KHDRBS2: variants seen among roughly 807,000 people sequenced by gnomAD.
KHDRBS2 encodes KH RNA binding domain containing, signal transduction associated 2.
Under a neutral mutation model 44.3 loss-of-function variants are expected in KHDRBS2, and 26 were observed. That is an observed-to-expected ratio of 0.59 (90% CI 0.43 to 0.81). The LOEUF is 0.81. Ranked by LOEUF, KHDRBS2 falls within the 40% of genes least tolerant of loss-of-function variation. The pLI, the probability that KHDRBS2 is intolerant of heterozygous loss-of-function variation, is 0.00. For missense variants in KHDRBS2, 476 were observed against 433.1 expected (o/e 1.10, Z -0.88); for synonymous variants, 194 against 151.1 (o/e 1.28, Z -2.08).
intron 6 of KHDRBS2, among the ~76,000 whole-genome samples, chr6:61,748,439 C>A (rs1173994234): frequency 6.6e-6 from 1 of 152,134 alleles, no homozygotes; most frequent in Non-Finnish European, 1.5e-5. Flanking sequence ...GGAAGCCCAC[C>A]ATGTGAGCAG....
the KHDRBS2 span, among the ~76,000 whole-genome samples, chr6:61,544,657 C>T: frequency 4.6e-5 from 7 of 152,066 alleles, no homozygotes; most frequent in South Asian, 2.1e-4. Flanking sequence ...AGATAAGAGG[C>T]TCAGTAAGGA....
chr6:62,120,687 A>C (rs1807412834), intron 2 of KHDRBS2, among the ~76,000 whole-genome samples: 1 of 152,220 alleles, frequency 6.6e-6, no homozygotes, highest in African/African-American at 2.4e-5. Context: ...AATTTGTAGA[A>C]GTAGAAAACT....
chr6:61,897,092 T>C (rs1803059062), intron 5 of KHDRBS2, among the ~76,000 whole-genome samples: 1 of 152,172 alleles, frequency 6.6e-6, no homozygotes, highest in African/African-American at 2.4e-5. Flanking sequence ...TCTGTTTTCT[T>C]CCTAACATAA....
chr6:61,829,762 T>C (rs183326466), intron 6 of KHDRBS2, among the ~76,000 whole-genome samples: 2 of 152,254 alleles, frequency 1.3e-5, no homozygotes, highest in Non-Finnish European at 2.9e-5. Flanking sequence ...ACCGGAGTCA[T>C]ACATAGTATA....
intron 7 of KHDRBS2, among the ~76,000 whole-genome samples, chr6:61,710,023 A>G (rs996824049): frequency 1.3e-5 from 2 of 151,712 alleles, no homozygotes; most frequent in Non-Finnish European, 2.9e-5. Flanking sequence ...TTCAAGTCCC[A>G]AATGGAATCT....
intron 2 of KHDRBS2, among the ~76,000 whole-genome samples, 186 bp from the exon 3 acceptor site, chr6:62,048,180 T>C (rs1008143065): frequency 1.3e-5 from 2 of 149,582 alleles, no homozygotes. Flanking sequence ...ATTTCAGATA[T>C]CTAATCTAAC....
chr6:62,245,365 T>C (rs1438345092), intron 1 of KHDRBS2, among the ~76,000 whole-genome samples: 2 of 152,064 alleles, frequency 1.3e-5, no homozygotes, highest in Non-Finnish European at 2.9e-5. Flanking sequence ...CTGGCTTCAC[T>C]ACTCAAAAAA....
intron 7 of KHDRBS2, among the ~76,000 whole-genome samples, chr6:61,729,387 G>A (rs1167482305): frequency 2.6e-5 from 4 of 152,034 alleles, no homozygotes; most frequent in African/African-American, 4.8e-5. Flanking sequence ...TTAATACCTG[G>A]GTGATGAAAT....
chr6:61,892,774 T>C (rs1451156947), intron 6 of KHDRBS2, among the ~76,000 whole-genome samples: 1 of 152,202 alleles, frequency 6.6e-6, no homozygotes, highest in Non-Finnish European at 1.5e-5. Context: ...AAGACTTAAA[T>C]GTTAGACCTA....
At chr6:61,615,509 C>A in the KHDRBS2 span, among the ~76,000 whole-genome samples, 3 of 151,998 alleles carry the variant, frequency 2.0e-5, no homozygotes, top group Non-Finnish European at 4.4e-5. Context: ...AGTGTTATTT[C>A]TTTTTTATAC....
the KHDRBS2 span, among the ~76,000 whole-genome samples, chr6:61,598,865 C>G: frequency 9.5e-6 from 1 of 105,116 alleles, no homozygotes; most frequent in Admixed American, 1.4e-4. Flanking sequence ...TTTTGCACAT[C>G]AGGGTATTCA....
At chr6:61,603,841 A>G in the KHDRBS2 span, among the ~76,000 whole-genome samples, 46 of 152,150 alleles carry the variant, frequency 3.0e-4, 1 homozygote, top group African/African-American at 1.1e-3. Context: ...CCTGACCACC[A>G]TGACTGTATC....
At chr6:62,228,330 C>T (rs1318371370) in intron 1 of KHDRBS2, among the ~76,000 whole-genome samples, 1 of 152,150 alleles carries the variant, frequency 6.6e-6, no homozygotes, top group Admixed American at 6.5e-5. Context: ...ATAGTACTCT[C>T]TGATGGTAGT....
intron 8 of KHDRBS2, among the ~76,000 whole-genome samples, chr6:61,696,380 C>T (rs145925257): frequency 0.035 from 5,332 of 151,920 alleles, 326 homozygotes; most frequent in African/African-American, 0.12. Context: ...CTCAGCCTCC[C>T]GAGTAGCTGA....
chr6:61,554,143 C>A, the KHDRBS2 span, among the ~76,000 whole-genome samples: 11 of 152,118 alleles, frequency 7.2e-5, no homozygotes, highest in African/African-American at 2.4e-4. Context: ...TAAATCTCTT[C>A]ATAGGTCACT....
the KHDRBS2 span, among the ~76,000 whole-genome samples, chr6:61,603,426 C>T: frequency 2.5e-3 from 386 of 152,268 alleles, 2 homozygotes; most frequent in African/African-American, 9.0e-3. Context: ...GACCCTGACA[C>T]CCATCAGGCT....
At position 61,870,488 on chromosome 6, in the gene KHDRBS2, G is replaced by A. The variant is rs1798507941; in HGVS notation, c.810+24147C>T. ...AGCTTCAGCAGACTTAAACCTCCCT[G>A]CCTGACAGCTCTGAAGAGGGCAGTG... On this transcript the variant is annotated intron_variant, in intron 6 of 8. Transcript: ENST00000281156. Among the ~76,000 whole-genome samples the A allele has an allele frequency of 2.6e-5, 4 of 152,278 alleles. No homozygotes were observed. The South Asian group carries it at 8.3e-4, about 32-fold the overall frequency.
the KHDRBS2 span, among the ~76,000 whole-genome samples, chr6:61,663,499 C>CGATATATATATATATATATATATATA: frequency 1.8e-4 from 1 of 5,632 alleles, no homozygotes; most frequent in Non-Finnish European, 3.1e-4. Flanking sequence ...GCATGAGACA[C>CGATATATATATATATATATATATATA]CATATATATA....
At chr6:61,743,511 C>A (rs1341544757) in intron 6 of KHDRBS2, among the ~76,000 whole-genome samples, 7 of 151,766 alleles carry the variant, frequency 4.6e-5, no homozygotes, top group Non-Finnish European at 1.0e-4. Context: ...AATAGTAACA[C>A]AAACACAATT....
Sources: allele counts gnomAD v4.1 joint callset (sites outside exome capture counted in the v4.1 genomes callset), GRCh38; gene constraint gnomAD v4.1.1; transcripts MANE v1.5; gene names NCBI Gene and HGNC (gene_info 2026-07-23, HGNC 2026-07-21).